The following ZNF23 variants were observed in gnomAD, a reference collection of about 807,000 sequenced individuals.
The protein encoded by ZNF23 is zinc finger protein 23, also known as kruppel-like zinc finger factor X31.
ZNF23 carries 48 observed loss-of-function variants against 56.2 expected under a neutral mutation model. The ratio of observed to expected loss-of-function variants is 0.85; its 90% CI spans 0.68 to 1.09. ZNF23 has a LOEUF of 1.09. Among genes scored for constraint, ZNF23 ranks in the 50% least tolerant of loss-of-function variants. The pLI, the probability that ZNF23 is intolerant of heterozygous loss-of-function variation, is 0.00. For missense variants in ZNF23, 805 were observed against 811.4 expected, an observed-to-expected ratio of 0.99 and a Z score of 0.10; for synonymous variants, 266 against 283.3, an observed-to-expected ratio of 0.94 and a Z score of 0.61.
chr16:71,460,166 A>G (rs1161380907), intron 1 of ZNF23, among the ~76,000 whole-genome samples: 1 of 152,190 alleles, frequency 6.6e-6, no homozygotes, highest in Non-Finnish European at 1.5e-5. Flanking sequence ...AATTCTCTAA[A>G]AAGTACTTAG....
intron 1 of ZNF23, among the ~76,000 whole-genome samples, chr16:71,458,428 A>G (rs2043316246): frequency 1.3e-5 from 2 of 152,000 alleles, no homozygotes. Context: ...TGCTTTTCCC[A>G]CTTCTTCTTT....
chr16:71,460,139 T>C (rs1317585302), intron 1 of ZNF23, among the ~76,000 whole-genome samples: 1 of 152,174 alleles, frequency 6.6e-6, no homozygotes, highest in Non-Finnish European at 1.5e-5. Flanking sequence ...TTAAATGCAG[T>C]AGGCAAACAG....
rs2042903927 is a variant in ZNF23, at chr16:71,447,927, T to TG, written c.*165_*166insC. 4.1e-6 allele frequency: 2 copies of TG among 493,372 alleles called. No individual in the cohort carries two copies. The highest frequency in any genetic ancestry group is 6.9e-6 in the Non-Finnish European group (2 of 291,512). 30.6% of individuals were successfully genotyped at this position (493,372 alleles called of 1,614,324 possible). A position where few individuals can be genotyped will look rare whatever the true frequency, so the allele number is the denominator to read the frequency against. On this transcript the variant is annotated 3_prime_UTR_variant, in exon 5 of 5. Coordinates refer to ENST00000647773, the MANE Select transcript of ZNF23 (RefSeq NM_001381984.1). ...CAAAGCTATTTTTGGATGTTTCTCT[T>TG]TAACTGGTCATCCTTTCCTGATTTA...
chr16:71,461,616 G>A (rs1052638908), intron 1 of ZNF23: 7 of 152,188 alleles, frequency 4.6e-5, no homozygotes, highest in African/African-American at 1.4e-4. Flanking sequence ...GTCATTCCCA[G>A]GTCACTGTCA....
In ZNF23 at chr16:71,454,148, G is replaced by A. The variant is rs768543620; in HGVS notation, c.54C>T (p.Asp18=). ...CCGCCTGGGTGAAGTACACAGCCAC[G>A]TCCTCAAAGGTCACCGACTTCTGAA... The part of the protein sequence containing the change: ...AWPQKSVTFE[D]VAVYFTQAEW... The change falls in exon 3 of 5, where the codon GAC becomes GAT. Residue 18 remains aspartate (D), a synonymous_variant. Coordinates refer to ENST00000647773, the MANE Select transcript of ZNF23 (RefSeq NM_001381984.1). 5.6e-5 allele frequency: 91 copies of A among 1,613,494 alleles called. No homozygotes were observed. Among genetic ancestry groups the A allele is most frequent in the Non-Finnish European group, 7.6e-5 (90 of 1,179,864 alleles).
In ZNF23 at chr16:71,453,246, TCTGGAGGCC is replaced by T; in HGVS notation, c.256_264del (p.Gly86_Gln88del). On this transcript the variant is annotated inframe_deletion, in exon 4 of 5. Coordinates refer to ENST00000647773, the MANE Select transcript of ZNF23 (RefSeq NM_001381984.1). ...GGGAAATATGTACCTCCCTTACCAG[TCTGGAGGCC>T]CTGGAGGCCTGTTCCTGCAGCCAGT... is the stretch of plus-strand genomic sequence containing the variant. 1.2e-6 allele frequency: 2 copies of T among 1,605,222 alleles called. No individual in the cohort carries two copies. The highest frequency in any genetic ancestry group is 2.2e-5 in the East Asian group (1 of 44,730).
chr16:71,449,455 G>T lies in ZNF23; in HGVS notation c.699C>A (p.Asn233Lys). 6.2e-7 allele frequency: 1 copy of T among 1,614,196 alleles called. No individual in the cohort carries two copies. The highest frequency in any genetic ancestry group is 2.2e-5 in the East Asian group (1 of 44,886). ...AACACTGATAAGGCTTTTCCTCAGT[G>T]TTGTTCTCTTGATGTTGAATAAGTT... The part of the protein sequence containing the change: ...DSQLIQHQEN[N>K]TEEKPYQCSE... The change falls in exon 5 of 5, where the codon AAC (asparagine) becomes AAA (lysine). Residue 233 changes from asparagine (N) to lysine (K), a missense_variant. Asn to Lys is a moderately conservative substitution (Grantham distance 94, BLOSUM62 0). Coordinates refer to ENST00000647773, the MANE Select transcript of ZNF23 (RefSeq NM_001381984.1).
chr16:71,458,450 G>A (rs1159796774), intron 1 of ZNF23, among the ~76,000 whole-genome samples: 2 of 152,092 alleles, frequency 1.3e-5, no homozygotes, highest in African/African-American at 4.8e-5. Context: ...GAATATATGT[G>A]CTTTCTAGAC....
At position 71,448,236 on chromosome 16, in the gene ZNF23, A is replaced by G. The variant is rs761994551; in HGVS notation, c.1918T>C (p.Phe640Leu). The G allele has an allele frequency of 1.2e-6, 2 of 1,614,282 alleles. No homozygotes were observed. Among genetic ancestry groups the G allele is most frequent in the African/African-American group, 2.7e-5 (2 of 75,078 alleles). ...PFRCVECGKG[F>L]SFSSDYIIHQ... ...ATAATGTAGTCAGAACTAAAGCTGA[A>G]GCCTTTGCCACATTCCACACATCTG... is the stretch of plus-strand genomic sequence containing the variant. Residue 640 changes from phenylalanine to leucine, a missense_variant, in exon 5 of 5, where the codon TTC becomes CTC. Transcript: ENST00000647773.
chr16:71,454,982 C>T (rs768772337), intron 2 of ZNF23, among the ~76,000 whole-genome samples: 13 of 151,940 alleles, frequency 8.6e-5, no homozygotes, highest in Non-Finnish European at 1.8e-4. Context: ...GGGAGGCTTA[C>T]CCTCTGCCCA....
chr16:71,460,048 G>A (rs2043385175), intron 1 of ZNF23, among the ~76,000 whole-genome samples: 1 of 152,194 alleles, frequency 6.6e-6, no homozygotes, highest in South Asian at 2.1e-4. Context: ...AGACCATGGG[G>A]CTCAGCAGAG....
At position 71,453,975 on chromosome 16, in the gene ZNF23, G is replaced by A. The variant is rs1174593120; in HGVS notation, c.160+67C>T. ...TTACCAGAGATCCCCTCAGTAACCT[G>A]TAAGGGAGAAGCAAGCCAGGAACCC... is the stretch of plus-strand genomic sequence containing the variant. On this transcript the variant is annotated intron_variant, in intron 3 of 4. Coordinates refer to ENST00000647773, the MANE Select transcript of ZNF23 (RefSeq NM_001381984.1). The A allele has an allele frequency of 2.5e-5, 39 of 1,559,368 alleles. No individual in the cohort carries two copies. The East Asian group carries it at 3.8e-4, about 15-fold the overall frequency.
intron 2 of ZNF23, chr16:71,456,098 A>G (rs774493971): frequency 1.3e-5 from 6 of 452,492 alleles, no homozygotes; most frequent in Non-Finnish European, 2.7e-5. Flanking sequence ...TCCATGGATG[A>G]GCTTCAGGGG....
chr16:71,449,683 T>A lies in ZNF23; in HGVS notation c.471A>T (p.Thr157=), dbSNP rs1309896635. ...TAAAAAAACACTCCTCCACGGGGCTTGTCTCATCTTTCACTGTTCCATCAA... is the reference window on the plus strand; with the variant it reads ...TAAAAAAACACTCCTCCACGGGGCTAGTCTCATCTTTCACTGTTCCATCAA... ...NTIDGTVKDE[T]SPVEECFFSQ... Residue 157 remains threonine (T), a synonymous_variant, in exon 5 of 5, where the codon ACA becomes ACT. Coordinates refer to ENST00000647773, the MANE Select transcript of ZNF23 (RefSeq NM_001381984.1). The A allele has an allele frequency of 6.2e-7, 1 of 1,613,798 alleles. No homozygotes were observed. The highest frequency in any genetic ancestry group is 1.3e-5 in the African/African-American group (1 of 75,066).
intron 4 of ZNF23, 75 bp from the exon 5 acceptor site, chr16:71,449,960 AC>A: frequency 8.0e-7 from 1 of 1,245,170 alleles, no homozygotes; most frequent in Non-Finnish European, 1.1e-6. Flanking sequence ...GCTATAAAAG[AC>A]CATAATAATC....
intron 1 of ZNF23, chr16:71,461,660 T>C (rs2043462530): frequency 6.6e-6 from 1 of 152,224 alleles, no homozygotes; most frequent in Non-Finnish European, 1.5e-5. Context: ...CTGAGTTACC[T>C]TTTGGGACTG....
chr16:71,454,610 C>T (rs868113550), intron 2 of ZNF23, among the ~76,000 whole-genome samples: 10 of 152,114 alleles, frequency 6.6e-5, no homozygotes, highest in African/African-American at 2.2e-4. Context: ...AGATCATCCA[C>T]GGCTTCTGTC....
At chr16:71,454,300 A>C in intron 2 of ZNF23, 132 bp from the exon 3 acceptor site, 1 of 1,225,972 alleles carries the variant, frequency 8.2e-7, no homozygotes, top group Non-Finnish European at 1.1e-6. Flanking sequence ...AACAAGGGGA[A>C]GATCTCAGAA....
chr16:71,457,987 G>A (rs1048460872), intron 1 of ZNF23, among the ~76,000 whole-genome samples: 2 of 152,100 alleles, frequency 1.3e-5, no homozygotes, highest in African/African-American at 4.8e-5. Flanking sequence ...CCAGTATCCT[G>A]CCCCACTTCC....
Sources: gnomAD v4.1 joint callset for allele counts (sites outside exome capture counted in the v4.1 genomes callset) on GRCh38, gnomAD v4.1.1 for gene constraint, MANE v1.5 for transcripts, NCBI Gene and HGNC (gene_info 2026-07-23, HGNC 2026-07-21) for gene names.